Variants in ABCA6 observed in about 807,000 individuals in gnomAD.
ABCA6 encodes the protein ATP binding cassette subfamily A member 6, also known as ATP-binding cassette sub-family A member 6.
In ABCA6, 164 loss-of-function variants were observed where a neutral mutation model predicts 191.2. The observed-to-expected ratio is 0.86, with a 90% CI of 0.76 to 0.98. The LOEUF (loss-of-function observed/expected upper bound fraction) is 0.98. Among genes scored for constraint, ABCA6 ranks in the 50% least tolerant of loss-of-function variants. The pLI is 0.00. For synonymous variants in ABCA6, 636 were observed against 647.7 expected (o/e 0.98, Z 0.27); for missense variants, 1,958 against 1,894.1 (o/e 1.03, Z -0.63).
chr17:69,084,841 A>AT (rs999644748), intron 32 of ABCA6, among the ~76,000 whole-genome samples, 187 bp downstream of exon 32: 1 of 152,122 alleles, frequency 6.6e-6, no homozygotes, highest in African/African-American at 2.4e-5. Context: ...TTATATAATC[A>AT]TTTTTTAAAG....
intron 2 of ABCA6, among the ~76,000 whole-genome samples, chr17:69,138,710 A>C (rs1052934683): frequency 5.3e-5 from 8 of 151,384 alleles, no homozygotes; most frequent in African/African-American, 1.9e-4. Flanking sequence ...ACAAGGCCAC[A>C]GTAACCAAAA....
At chr17:69,083,385 A>C in intron 34 of ABCA6, 54 bp from the exon 35 acceptor site, 1 of 1,501,142 alleles carries the variant, frequency 6.7e-7, no homozygotes, top group Non-Finnish European at 8.9e-7. Flanking sequence ...GCAGAAGAAA[A>C]AAAAGATAAA....
At chr17:69,095,478 C>CG (rs2073023612) in intron 25 of ABCA6, 2 of 152,178 alleles carry the variant, frequency 1.3e-5, no homozygotes, top group Non-Finnish European at 2.9e-5. Flanking sequence ...GAGTCCCAGA[C>CG]TAATTTCTTG....
At chr17:69,084,939 T>G (rs949824709) in intron 32 of ABCA6, 89 bp downstream of exon 32, 11 of 1,458,434 alleles carry the variant, frequency 7.5e-6, no homozygotes, top group Non-Finnish European at 1.0e-5. Flanking sequence ...GATAGCATAT[T>G]GACTCTCGGT....
chr17:69,092,106 C>T (rs113126047), intron 25 of ABCA6, among the ~76,000 whole-genome samples: 68 of 152,134 alleles, frequency 4.5e-4, no homozygotes, highest in Middle Eastern at 3.4e-3. Context: ...TTTTATTTTA[C>T]AATTTTTTTT....
intron 19 of ABCA6, 175 bp downstream of exon 19, chr17:69,105,853 A>C (rs773364775): frequency 1.3e-6 from 1 of 775,310 alleles, no homozygotes; most frequent in Non-Finnish European, 2.0e-6. Context: ...CTGCACGTAT[A>C]AGCTTAATCG....
chr17:69,137,584 C>T, intron 2 of ABCA6, 84 bp from the exon 3 acceptor site: 1 of 1,294,560 alleles, frequency 7.7e-7, no homozygotes, highest in East Asian at 2.4e-5. Flanking sequence ...CTGTTGAAAA[C>T]AAATTCCAAT....
At chr17:69,109,484 GT>G (rs901456578) in intron 17 of ABCA6, 5 of 152,148 alleles carry the variant, frequency 3.3e-5, no homozygotes, top group Non-Finnish European at 5.9e-5. Flanking sequence ...TATGTAAGTT[GT>G]TTTTCTCTGC....
chr17:69,087,890 C>CT (rs1443335859), intron 28 of ABCA6, among the ~76,000 whole-genome samples: 1 of 152,162 alleles, frequency 6.6e-6, no homozygotes, highest in Non-Finnish European at 1.5e-5. Flanking sequence ...CCCATCTTTT[C>CT]TTTTCAAGGA....
Position 69,137,446 on chromosome 17 carries a change from T to G in ABCA6, c.151A>C (p.Met51Leu). 1 of 1,613,716 alleles carries G rather than the reference T, an allele frequency of 6.2e-7. No homozygotes were observed. The highest frequency in any genetic ancestry group is 8.5e-7 in the Non-Finnish European group (1 of 1,179,774). ...ATTCCAGGAAACTGGACATTTCTCA[T>G]GGAACTGGAAAACAGAGCAATACAC... ...GLCIALFSSS[M>L]RNVQFPGMAP... Residue 51 changes from methionine (M) to leucine (L), a missense_variant, in exon 3 of 39, where the codon ATG (methionine) becomes CTG (leucine). Physicochemically the swap from Met to Leu is conservative, Grantham distance 15. Coordinates refer to ENST00000284425, the MANE Select transcript of ABCA6 (RefSeq NM_080284.3).
chr17:69,106,399 C>T (rs912017003), intron 18 of ABCA6, among the ~76,000 whole-genome samples, 188 bp from the exon 19 acceptor site: 5 of 152,040 alleles, frequency 3.3e-5, no homozygotes, highest in African/African-American at 1.2e-4. Flanking sequence ...TCAAGACCAA[C>T]CTGGCCAACA....
At chr17:69,096,917 A>C in intron 23 of ABCA6, 116 bp from the exon 24 acceptor site, 1 of 892,188 alleles carries the variant, frequency 1.1e-6, no homozygotes, top group Non-Finnish European at 1.6e-6. Flanking sequence ...CTAATCTTCT[A>C]ATATTAAAAA....
At chr17:69,139,027 T>C (rs1428068494) in intron 2 of ABCA6, among the ~76,000 whole-genome samples, 3 of 152,176 alleles carry the variant, frequency 2.0e-5, no homozygotes, top group Non-Finnish European at 4.4e-5. Flanking sequence ...ATTCAGGACA[T>C]AAGCAGGGGC....
rs1470270483 is a variant in ABCA6 at position 69,141,872 on chromosome 17, C to T, written c.-173G>A. 2 of 152,080 alleles carry T rather than the reference C, an allele frequency of 1.3e-5. No individual in the cohort carries two copies. Among genetic ancestry groups the T allele is most frequent in the Non-Finnish European group, 2.9e-5 (2 of 68,020 alleles). 9.4% of individuals were successfully genotyped at this position (152,080 alleles called of 1,614,324 possible). Reference sequence around the variant, plus strand: ...TTCTTTAAATGGGTGCCTACTCCAGCAGCTCTTACACAGCCTGGTTTCTGA... The same window carrying T: ...TTCTTTAAATGGGTGCCTACTCCAGTAGCTCTTACACAGCCTGGTTTCTGA... On this transcript the variant is annotated 5_prime_UTR_variant, in exon 1 of 39. Coordinates refer to ENST00000284425, the MANE Select transcript of ABCA6 (RefSeq NM_080284.3).
chr17:69,094,902 T>C (rs2073012504), intron 25 of ABCA6: 1 of 152,434 alleles, frequency 6.6e-6, no homozygotes, highest in African/African-American at 2.4e-5. Flanking sequence ...AAAGCATCTA[T>C]GAGGGGCACT....
intron 19 of ABCA6, 79 bp from the exon 20 acceptor site, chr17:69,105,707 G>T: frequency 8.9e-7 from 1 of 1,118,564 alleles, no homozygotes; most frequent in Non-Finnish European, 1.3e-6. Flanking sequence ...AGTATTTGTT[G>T]AGTGCCAAGC....
chr17:69,134,699 G>A lies in ABCA6; in HGVS notation c.504C>T (p.Thr168=). 1 of 1,613,628 alleles carries A rather than the reference G, an allele frequency of 6.2e-7. No homozygotes were observed. Among genetic ancestry groups the A allele is most frequent in the Non-Finnish European group, 8.5e-7 (1 of 1,179,862 alleles). The change falls in exon 5 of 39, where the codon ACC becomes ACT. Residue 168 remains threonine (T), a synonymous_variant. Coordinates refer to ENST00000284425, the MANE Select transcript of ABCA6 (RefSeq NM_080284.3). ...DGYGEFSCTL[T]KYWNRGFVAL... The stretch of plus-strand genomic sequence containing the variant: ...CCACAAATCCTCTATTCCAGTATTT[G>A]GTCAATGTACATGAAAACTCACCAT...
chr17:69,087,534 A>T, intron 28 of ABCA6, 61 bp from the exon 29 acceptor site: 2 of 1,596,178 alleles, frequency 1.3e-6, no homozygotes. Flanking sequence ...TGTGTCAAAA[A>T]TCAGCATTCC....
At chr17:69,118,562 A>G (rs1393208950) in intron 10 of ABCA6, among the ~76,000 whole-genome samples, 1 of 152,102 alleles carries the variant, frequency 6.6e-6, no homozygotes, top group African/African-American at 2.4e-5. Flanking sequence ...ACCACTTCAT[A>G]ATGAAATCAT....
Sources: allele counts gnomAD v4.1 joint callset (sites outside exome capture counted in the v4.1 genomes callset), GRCh38; gene constraint gnomAD v4.1.1; transcripts MANE v1.5; gene names NCBI Gene and HGNC (gene_info 2026-07-23, HGNC 2026-07-21).